Variants in B9D2 observed in about 807,000 individuals in gnomAD.
The protein encoded by B9D2 is B9 domain-containing protein 2.
In B9D2, 21 loss-of-function variants were observed where a neutral mutation model predicts 19.2. That is an observed-to-expected ratio of 1.09 (90% CI 0.78 to 1.58). The LOEUF is 1.58. Among genes scored for constraint, B9D2 ranks in the 40% most tolerant of loss-of-function variants. The pLI, the probability that B9D2 is intolerant of heterozygous loss-of-function variation, is 0.00. For missense variants in B9D2, 221 were observed against 244.3 expected (o/e 0.90, Z 0.64); for synonymous variants, 91 against 100.6 (o/e 0.90, Z 0.57).
At chr19:41,362,103 G>T (rs1050326823) in intron 2 of B9D2, among the ~76,000 whole-genome samples, 2 of 146,706 alleles carry the variant, frequency 1.4e-5, no homozygotes, top group African/African-American at 5.1e-5. Context: ...AAAAAAAAGG[G>T]CCAGGCGCAG....
At chr19:41,357,595 T>G (rs1017602734) in intron 3 of B9D2, among the ~76,000 whole-genome samples, 2 of 152,122 alleles carry the variant, frequency 1.3e-5, no homozygotes, top group Non-Finnish European at 2.9e-5. Flanking sequence ...CGGCTTCCTC[T>G]TTATTGGAGA....
In B9D2 at chr19:41,354,957, G is replaced by A. The variant is rs2038287072; in HGVS notation, c.271C>T (p.Leu91Phe). The change falls in exon 4 of 4, where the codon CTT (leucine) becomes TTT (phenylalanine). Residue 91 changes from leucine (L) to phenylalanine (F), a missense_variant. Physicochemically the swap from Leu to Phe is conservative, Grantham distance 22. Coordinates refer to ENST00000243578, the MANE Select transcript of B9D2 (RefSeq NM_030578.4). ...WSQDSFGRCQ[L>F]AGYGFCHVPS... ...ACATGGCAAAATCCATAGCCTGCAAGCTGGCAGCGGCCAAAGCTGTCCTGG... is the reference window on the plus strand; with the variant it reads ...ACATGGCAAAATCCATAGCCTGCAAACTGGCAGCGGCCAAAGCTGTCCTGG... The A allele has an allele frequency of 6.2e-7, 1 of 1,611,718 alleles. No homozygotes were observed. Among genetic ancestry groups the A allele is most frequent in the Non-Finnish European group, 8.5e-7 (1 of 1,178,888 alleles).
At chr19:41,363,725 T>G (rs559493293) in intron 1 of B9D2, among the ~76,000 whole-genome samples, 2 of 152,174 alleles carry the variant, frequency 1.3e-5, no homozygotes, top group Non-Finnish European at 1.5e-5. Flanking sequence ...GACCCTTGTC[T>G]GGGGAACCAG....
intron 2 of B9D2, among the ~76,000 whole-genome samples, chr19:41,362,371 CA>C (rs777325237): frequency 0.034 from 1,998 of 58,352 alleles, 11 homozygotes; most frequent in African/African-American, 0.084. Flanking sequence ...GAACGAGTCT[CA>C]AAAAAAAAAA....
At chr19:41,359,760 G>A (rs1047954284) in intron 2 of B9D2, among the ~76,000 whole-genome samples, 3 of 151,938 alleles carry the variant, frequency 2.0e-5, no homozygotes, top group Non-Finnish European at 4.4e-5. Flanking sequence ...AATCCCAGAT[G>A]CTATGCTAAG....
At chr19:41,363,611 A>T in intron 1 of B9D2, 88 bp from the exon 2 acceptor site, 2 of 1,200,610 alleles carry the variant, frequency 1.7e-6, no homozygotes, top group Admixed American at 3.9e-5. Context: ...CAGCAAGTAA[A>T]GGGTAGTACT....
Position 41,358,013 on chromosome 19 carries a change from C to T in B9D2, c.98G>A (p.Trp33Ter). ...CTCCCGCACGCCTGACAGGAGCTTC[C>T]ATGCCGCCCCTGCAGTGAGAGCCGG... ...CKWGIHTGAA[W>*]KLLSGVREGQ... Residue 33 changes from tryptophan to a stop codon, truncating the protein, a stop_gained, in exon 3 of 4, where the codon TGG (tryptophan) becomes TAG (stop). Coordinates refer to ENST00000243578, the MANE Select transcript of B9D2 (RefSeq NM_030578.4). LOFTEE classifies it high-confidence loss of function. 1 of 1,614,110 alleles carries T rather than the reference C, an allele frequency of 6.2e-7. No individual in the cohort carries two copies.
chr19:41,358,040 A>G lies in B9D2; in HGVS notation c.89-18T>C. 3.1e-6 allele frequency: 5 copies of G among 1,613,912 alleles called. No individual in the cohort carries two copies. The highest frequency in any genetic ancestry group is 4.2e-6 in the Non-Finnish European group (5 of 1,179,946). On this transcript the variant is annotated intron_variant, in intron 2 of 3. Coordinates refer to ENST00000243578, the MANE Select transcript of B9D2 (RefSeq NM_030578.4). ...TGCCGCCCCTGCAGTGAGAGCCGGG[A>G]CATAGAGGGGTGGGAGGCAGCCATC...
At chr19:41,363,702 G>C (rs2038453688) in intron 1 of B9D2, among the ~76,000 whole-genome samples, 179 bp from the exon 2 acceptor site, 1 of 152,050 alleles carries the variant, frequency 6.6e-6, no homozygotes, top group Admixed American at 6.5e-5. Flanking sequence ...TGAAAGCCTG[G>C]AAAAAATGGG....
At position 41,354,715 on chromosome 19, in the gene B9D2, G is replaced by T. The variant is rs143680317; in HGVS notation, c.513C>A (p.Tyr171Ter). 6.2e-7 allele frequency: 1 copy of T among 1,614,022 alleles called. No individual in the cohort carries two copies. Among genetic ancestry groups the T allele is most frequent in the Non-Finnish European group, 8.5e-7 (1 of 1,180,026 alleles). ...GCAGAGTCCCTCAGCACTCCACGCC[G>T]TAGCGGTCGAAGTTGCGGAGCAGCA... ...IGLLLRNFDR[Y>*]GVEC The change falls in exon 4 of 4, where the codon TAC (tyrosine) becomes TAA (stop). Residue 171 changes from tyrosine (Y) to a stop codon, truncating the protein, a stop_gained. Coordinates refer to ENST00000243578, the MANE Select transcript of B9D2 (RefSeq NM_030578.4). LOFTEE classifies it high-confidence loss of function.
At position 41,357,883 on chromosome 19, in the gene B9D2, G is replaced by A. The variant is rs769818136; in HGVS notation, c.214+14C>T. ...TCCCCTCAGCCTGGACCCGGGTCCAGGTGTGATACCCACCTTGAAGACCTT... is the reference window on the plus strand; with the variant it reads ...TCCCCTCAGCCTGGACCCGGGTCCAAGTGTGATACCCACCTTGAAGACCTT... On this transcript the variant is annotated intron_variant, in intron 3 of 3. Coordinates refer to ENST00000243578, the MANE Select transcript of B9D2 (RefSeq NM_030578.4). The A allele has an allele frequency of 9.3e-6, 15 of 1,613,894 alleles. No homozygotes were observed. In the South Asian group the frequency reaches 1.3e-4, roughly 14 times the overall value.
At chr19:41,363,290 T>C in intron 2 of B9D2, 142 bp downstream of exon 2, 4 of 815,630 alleles carry the variant, frequency 4.9e-6, no homozygotes, top group Non-Finnish European at 8.3e-6. Flanking sequence ...GAGACTCATG[T>C]GGACAGGGTG....
intron 2 of B9D2, 138 bp downstream of exon 2, chr19:41,363,294 C>T: frequency 1.2e-6 from 1 of 831,946 alleles, no homozygotes; most frequent in Non-Finnish European, 2.0e-6. Flanking sequence ...CTCATGTGGA[C>T]AGGGTGTGGG....
chr19:41,355,263 C>G (rs532173362), intron 3 of B9D2, among the ~76,000 whole-genome samples: 53 of 152,312 alleles, frequency 3.5e-4, no homozygotes, highest in South Asian at 2.1e-3. Flanking sequence ...CTCCCCAGTG[C>G]CCTCAGTATA....
At position 41,354,743 on chromosome 19, in the gene B9D2, C is replaced by A. The variant is rs2038278382; in HGVS notation, c.485G>T (p.Gly162Val). The A allele has an allele frequency of 6.2e-7, 1 of 1,614,014 alleles. No individual in the cohort carries two copies. Among genetic ancestry groups the A allele is most frequent in the Non-Finnish European group, 8.5e-7 (1 of 1,180,034 alleles). The change falls in exon 4 of 4, where the codon GGC (glycine) becomes GTC (valine). Residue 162 changes from glycine to valine, a missense_variant. Coordinates refer to ENST00000243578, the MANE Select transcript of B9D2 (RefSeq NM_030578.4). ...AAGGTVHLEI[G>V]LLLRNFDRYG... is the part of the protein sequence containing the mutation. ...GCGGTCGAAGTTGCGGAGCAGCAGG[C>A]CGATCTCCAGGTGCACGGTGCCACC...
At chr19:41,360,064 A>G (rs544429861) in intron 2 of B9D2, among the ~76,000 whole-genome samples, 61 of 152,218 alleles carry the variant, frequency 4.0e-4, no homozygotes, top group African/African-American at 1.5e-3. Flanking sequence ...CTCAAGTGCC[A>G]CTTCCACAGA....
chr19:41,359,860 C>T (rs1000244786), intron 2 of B9D2, among the ~76,000 whole-genome samples: 3 of 152,046 alleles, frequency 2.0e-5, no homozygotes, highest in Admixed American at 6.6e-5. Flanking sequence ...CCATGGCCCA[C>T]GTGGCCTGGC....
intron 2 of B9D2, among the ~76,000 whole-genome samples, chr19:41,358,299 C>T (rs1025307615): frequency 1.3e-5 from 2 of 152,092 alleles, no homozygotes; most frequent in Non-Finnish European, 2.9e-5. Context: ...TTACTCTTAA[C>T]ATAATATCCA....
intron 3 of B9D2, among the ~76,000 whole-genome samples, chr19:41,357,376 G>A (rs972438016): frequency 6.6e-6 from 1 of 152,144 alleles, no homozygotes; most frequent in Non-Finnish European, 1.5e-5. Flanking sequence ...CCAGGTAGAC[G>A]TTCTTTATAT....
Sources: allele counts gnomAD v4.1 joint callset (sites outside exome capture counted in the v4.1 genomes callset), GRCh38; gene constraint gnomAD v4.1.1; transcripts MANE v1.5; gene names NCBI Gene and HGNC (gene_info 2026-07-23, HGNC 2026-07-21).